Variants in DIP2C observed in about 807,000 individuals in gnomAD.
The protein encoded by DIP2C is disco-interacting protein 2 homolog C.
In DIP2C, 33 loss-of-function variants were observed where a neutral mutation model predicts 192.4. The ratio of observed to expected loss-of-function variants is 0.17; its 90% CI spans 0.13 to 0.23. DIP2C has a LOEUF of 0.23. Among genes scored for constraint, DIP2C ranks in the 10% least tolerant of loss-of-function variants. The pLI is 1.00. For synonymous variants in DIP2C, 979 were observed against 864.1 expected (o/e 1.13, Z -2.33); for missense variants, 1,537 against 2,110.1 (o/e 0.73, Z 5.32).
chr10:379,918 A>C (rs542002257), intron 17 of DIP2C, among the ~76,000 whole-genome samples: 2 of 152,090 alleles, frequency 1.3e-5, no homozygotes, highest in East Asian at 3.9e-4. Context: ...GATGATGGTT[A>C]ACAGGCAGAA....
intron 32 of DIP2C, among the ~76,000 whole-genome samples, chr10:293,576 C>G (rs965553395): frequency 3.9e-5 from 6 of 152,186 alleles, no homozygotes; most frequent in African/African-American, 1.4e-4. Context: ...AGTTAATTAA[C>G]AGAGATGCTG....
At chr10:439,159 T>C (rs1258527470) in intron 4 of DIP2C, among the ~76,000 whole-genome samples, 1 of 152,198 alleles carries the variant, frequency 6.6e-6, no homozygotes, top group Non-Finnish European at 1.5e-5. Flanking sequence ...AATTACGTGC[T>C]GTTGCTTAAT....
intron 31 of DIP2C, among the ~76,000 whole-genome samples, chr10:319,813 C>A (rs1165744105): frequency 2.6e-5 from 4 of 152,060 alleles, no homozygotes; most frequent in African/African-American, 9.7e-5. Context: ...AAATTTTGTT[C>A]TGTTTTTACC....
intron 32 of DIP2C, among the ~76,000 whole-genome samples, chr10:298,332 A>G (rs1955858636): frequency 1.3e-5 from 2 of 152,298 alleles, no homozygotes; most frequent in East Asian, 1.9e-4. Context: ...GATCACAGGC[A>G]TTTTGGAAAA....
intron 1 of DIP2C, chr10:665,013 T>C (rs1856999923): frequency 6.6e-6 from 1 of 152,226 alleles, no homozygotes; most frequent in Non-Finnish European, 1.5e-5. Context: ...CCCAGGTCTG[T>C]TCAGCACCTG....
At position 283,329 on chromosome 10, in the gene DIP2C, C is replaced by T. The variant is rs545182516; in HGVS notation, c.4237G>A (p.Ala1413Thr). The change falls in exon 35 of 37, where the codon GCA becomes ACA. Residue 1413 changes from alanine (A) to threonine (T), a missense_variant. By Grantham distance (58) the Ala-to-Thr change is moderately conservative. Transcript: ENST00000280886. ...LSFGDTQTIW[A>T]RTGYLGFLRR... ...AGGAACCCCAAGTAGCCTGTGCGTG[C>T]CCAGATGGTCTGGGTGTCTCCAAAA... 3 of 1,614,094 alleles carry T rather than the reference C, an allele frequency of 1.9e-6. No homozygotes were observed. The highest frequency in any genetic ancestry group is 4.5e-5 in the East Asian group (2 of 44,880).
At chr10:650,588 C>T in intron 1 of DIP2C, 1 of 621,024 alleles carries the variant, frequency 1.6e-6, no homozygotes, top group Non-Finnish European at 2.9e-6. Flanking sequence ...TGGGCCCCTT[C>T]AGTTTGCAGG....
intron 31 of DIP2C, among the ~76,000 whole-genome samples, chr10:314,987 T>C (rs1265550833): frequency 6.6e-6 from 1 of 152,242 alleles, no homozygotes; most frequent in Non-Finnish European, 1.5e-5. Context: ...GTTGGTTCTT[T>C]ACTTGTCCCT....
chr10:576,385 G>A (rs561772219), intron 1 of DIP2C, among the ~76,000 whole-genome samples: 14 of 152,346 alleles, frequency 9.2e-5, no homozygotes, highest in African/African-American at 3.4e-4. Flanking sequence ...GGGTACAGGA[G>A]TCAGACAGGC....
At chr10:329,355 C>A in intron 30 of DIP2C, 78 bp downstream of exon 30, 1 of 1,447,466 alleles carries the variant, frequency 6.9e-7, no homozygotes, top group Non-Finnish European at 9.2e-7. Context: ...TTTAACTTCA[C>A]CCCATCACAG....
At chr10:598,405 A>T (rs1851845172) in intron 1 of DIP2C, among the ~76,000 whole-genome samples, 1 of 152,112 alleles carries the variant, frequency 6.6e-6, no homozygotes, top group South Asian at 2.1e-4. Flanking sequence ...CAACATGGAC[A>T]TTCCCTCAAT....
intron 4 of DIP2C, among the ~76,000 whole-genome samples, chr10:438,495 ATTT>A (rs58338949): frequency 6.8e-6 from 1 of 147,252 alleles, no homozygotes; most frequent in Admixed American, 6.8e-5. Context: ...AGGATTAAGC[ATTT>A]TTTTTTTTTG....
intron 1 of DIP2C, among the ~76,000 whole-genome samples, chr10:601,271 CA>C (rs1852056679): frequency 6.6e-6 from 1 of 152,258 alleles, no homozygotes; most frequent in African/African-American, 2.4e-5. Flanking sequence ...GATAATCAGG[CA>C]AAAATTTTAG....
chr10:414,214 A>G (rs570585003), intron 7 of DIP2C, 104 bp from the exon 8 acceptor site: 616 of 1,308,314 alleles, frequency 4.7e-4, no homozygotes, highest in Non-Finnish European at 5.3e-4. Flanking sequence ...CTTAAGCTGT[A>G]CATTTATTAG....
At chr10:463,713 T>C (rs926674371) in intron 3 of DIP2C, among the ~76,000 whole-genome samples, 2 of 152,130 alleles carry the variant, frequency 1.3e-5, no homozygotes, top group African/African-American at 4.8e-5. Context: ...AGAACAAAGC[T>C]GGAGGCATCA....
At chr10:556,259 C>G (rs2925456) in intron 1 of DIP2C, among the ~76,000 whole-genome samples, 1,585 of 4,188 alleles carry the variant, frequency 0.38, 255 homozygotes, top group East Asian at 0.51. Flanking sequence ...AGCCGGATCC[C>G]AGGACGGCAC....
intron 1 of DIP2C, among the ~76,000 whole-genome samples, chr10:622,465 G>A (rs1028212878): frequency 1.3e-4 from 19 of 151,984 alleles, no homozygotes; most frequent in African/African-American, 4.1e-4. Context: ...AGAATGGAAG[G>A]CGTGTTGCCT....
chr10:418,752 T>C (rs150738460), intron 6 of DIP2C, among the ~76,000 whole-genome samples: 287 of 152,380 alleles, frequency 1.9e-3, no homozygotes, highest in African/African-American at 6.0e-3. Context: ...TGTACAAGAA[T>C]TTCTCAGTTG....
chr10:580,908 A>C (rs1850603821), intron 1 of DIP2C, among the ~76,000 whole-genome samples: 1 of 152,236 alleles, frequency 6.6e-6, no homozygotes, highest in African/African-American at 2.4e-5. Flanking sequence ...GGACTGACTC[A>C]CGATGAAGCA....
Sources: allele counts gnomAD v4.1 joint callset (sites outside exome capture counted in the v4.1 genomes callset), GRCh38; gene constraint gnomAD v4.1.1; transcripts MANE v1.5; gene names NCBI Gene and HGNC (gene_info 2026-07-23, HGNC 2026-07-21).